The following RP1 variants were observed in gnomAD, a reference collection of about 807,000 sequenced individuals.
RP1 encodes oxygen-regulated protein 1.
A neutral mutation model predicts 14.8 loss-of-function variants in RP1; 16 were observed. The ratio of observed to expected loss-of-function variants is 1.08; its 90% CI spans 0.73 to 1.65. RP1 has a LOEUF of 1.65. Ranked by LOEUF, RP1 falls within the 40% of genes most tolerant of loss-of-function variation. The pLI is 0.00. For missense variants in RP1, 2,631 were observed against 2,535.0 expected (o/e 1.04, Z -0.81); for synonymous variants, 876 against 883.6 (o/e 0.99, Z 0.15).
rs1563329387 is a variant in RP1, at chr8:54,624,656, T to TA, written c.788-10dup. ...TTTTGATGTGGGCACCTTTTACTCT[T>TA]AAAATCTTTAAAGTAAGCACACATA... is the stretch of plus-strand genomic sequence containing the variant. On this transcript the variant is annotated splice_polypyrimidine_tract_variant and intron_variant, in intron 3 of 3. Coordinates refer to ENST00000220676, the MANE Select transcript of RP1 (RefSeq NM_006269.2). 1.6e-5 allele frequency: 26 copies of TA among 1,613,484 alleles called. No individual in the cohort carries two copies. Among genetic ancestry groups the TA allele is most frequent in the Non-Finnish European group, 2.0e-5 (24 of 1,179,776 alleles).
At chr8:54,614,567 C>G (rs1038347968), upstream of RP1, among the ~76,000 whole-genome samples, 6 of 152,144 alleles carry the variant, frequency 3.9e-5, no homozygotes, top group Non-Finnish European at 8.8e-5. Flanking sequence ...GTGCCAGAGA[C>G]AAGTGATACC....
At chr8:54,648,946 CA>C (rs1460411384) in intron 3 of RP1, 29 of 1,402,052 alleles carry the variant, frequency 2.1e-5, no homozygotes, top group Non-Finnish European at 2.7e-5. Context: ...CCATTTCTAT[CA>C]GTTGCCATAA....
intron 7 of RP1, among the ~76,000 whole-genome samples, chr8:54,672,615 C>T (rs1020056108): frequency 1.3e-5 from 2 of 152,042 alleles, no homozygotes; most frequent in Non-Finnish European, 2.9e-5. Context: ...CCTTCTTTGT[C>T]GATGTTTAAA....
intron 1 of RP1, among the ~76,000 whole-genome samples, chr8:54,603,655 T>A (rs1412875864): frequency 1.3e-5 from 2 of 152,222 alleles, no homozygotes; most frequent in Non-Finnish European, 2.9e-5. Context: ...CGATATTGAT[T>A]CTTCTTACCC....
At chr8:54,724,756 A>C (rs969453957) in intron 16 of RP1, among the ~76,000 whole-genome samples, 5 of 152,188 alleles carry the variant, frequency 3.3e-5, no homozygotes, top group African/African-American at 9.7e-5. Context: ...TTGCTGGATG[A>C]CATTTCCAGA....
chr8:54,690,014 A>T (rs1172064549), intron 12 of RP1, among the ~76,000 whole-genome samples: 5 of 152,098 alleles, frequency 3.3e-5, no homozygotes, highest in Non-Finnish European at 5.9e-5. Context: ...TGCTTCAGTA[A>T]ATAATTTGTA....
intron 1 of RP1, among the ~76,000 whole-genome samples, 197 bp downstream of exon 1, chr8:54,616,399 T>C (rs551087802): frequency 4.1e-4 from 63 of 152,240 alleles, no homozygotes; most frequent in Non-Finnish European, 8.4e-4. Context: ...TGAAATAGAA[T>C]GGAACTTCAG....
rs774252414 is a variant in RP1, at chr8:54,626,897, T to A, written c.3015T>A (p.His1005Gln). 18 of 1,613,904 alleles carry A rather than the reference T, an allele frequency of 1.1e-5. No homozygotes were observed. The South Asian group carries it at 1.9e-4, about 17-fold the overall frequency. The change falls in exon 4 of 4, where the codon CAT becomes CAA. Residue 1005 changes from histidine to glutamine, a missense_variant. Coordinates refer to ENST00000220676, the MANE Select transcript of RP1 (RefSeq NM_006269.2). The part of the protein sequence containing the change: ...IANDTGEEDL[H>Q]ETQVGSLNDA... ...ATGACACTGGTGAAGAAGATCTCCA[T>A]GAGACACAGGTTGGATCTCTGAATG...
chr8:54,829,053 G>A lies in RP1; in HGVS notation c.3616-8397G>A, dbSNP rs560189636. On this transcript the variant is annotated intron_variant, in intron 24 of 28. Transcript: ENST00000637698. ...GATTACAGGTGCCTACCACCATGCC[G>A]GGCTAATTTTTGTATTTTTAGTAGA... 7.9e-5 allele frequency among the ~76,000 whole-genome samples: 12 copies of A among 151,612 alleles called. No individual in the cohort carries two copies. The East Asian group carries it at 9.7e-4, about 12-fold the overall frequency.
At chr8:54,706,355 G>C in intron 14 of RP1, 1 of 1,318,758 alleles carries the variant, frequency 7.6e-7, no homozygotes, top group Non-Finnish European at 1.0e-6. Context: ...TATGGCTTCA[G>C]TAAGAGAATT....
At chr8:54,580,300 CTTTTTT>C (rs906806636) in intron 1 of RP1, among the ~76,000 whole-genome samples, 172 of 80,188 alleles carry the variant, frequency 2.1e-3, no homozygotes, top group Middle Eastern at 0.012. Context: ...TCGTAGACTT[CTTTTTT>C]TTTTTTTTTT....
chr8:54,618,003 T>A (rs796232248), intron 1 of RP1, among the ~76,000 whole-genome samples: 1 of 152,338 alleles, frequency 6.6e-6, no homozygotes, highest in African/African-American at 2.4e-5. Flanking sequence ...GGATGCAGAA[T>A]CTCAACACTC....
intron 1 of RP1, among the ~76,000 whole-genome samples, chr8:54,587,234 T>C (rs1804952101): frequency 6.6e-6 from 1 of 152,206 alleles, no homozygotes; most frequent in African/African-American, 2.4e-5. Flanking sequence ...GAGACCGGCC[T>C]GGCCAACATG....
intron 12 of RP1, among the ~76,000 whole-genome samples, chr8:54,689,240 C>G (rs1807647108): frequency 6.6e-6 from 1 of 152,100 alleles, no homozygotes; most frequent in African/African-American, 2.4e-5. Flanking sequence ...TCTAAATATA[C>G]AATCATGTCA....
chr8:54,699,598 A>G (rs1413950007), intron 13 of RP1: 1 of 1,068,198 alleles, frequency 9.4e-7, no homozygotes, highest in East Asian at 2.8e-5. Flanking sequence ...TTTTTGCCAT[A>G]TATCAATAGT....
At chr8:54,790,919 G>A (rs1011064322) in intron 24 of RP1, among the ~76,000 whole-genome samples, 5 of 151,936 alleles carry the variant, frequency 3.3e-5, no homozygotes, top group African/African-American at 9.7e-5. Flanking sequence ...AGGAAAGATA[G>A]GGACAAAAAG....
intron 23 of RP1, chr8:54,781,134 T>A (rs565219371): frequency 1.7e-6 from 1 of 593,332 alleles, no homozygotes; most frequent in East Asian, 1.4e-4. Flanking sequence ...TGAAAGACAT[T>A]GCTATAGTAT....
chr8:54,569,735 C>T (rs1390375513), intron 1 of RP1, among the ~76,000 whole-genome samples: 1 of 152,184 alleles, frequency 6.6e-6, no homozygotes, highest in East Asian at 1.9e-4. Context: ...GGGAATATGG[C>T]AGTGAACAAA....
chr8:54,602,177 C>T (rs973797735), intron 1 of RP1, among the ~76,000 whole-genome samples: 3 of 152,112 alleles, frequency 2.0e-5, no homozygotes, highest in Non-Finnish European at 2.9e-5. Context: ...CCAGTGCTAT[C>T]CCTCCCCTCT....
Sources: allele counts gnomAD v4.1 joint callset (sites outside exome capture counted in the v4.1 genomes callset), GRCh38; gene constraint gnomAD v4.1.1; transcripts MANE v1.5; gene names NCBI Gene and HGNC (gene_info 2026-07-23, HGNC 2026-07-21).